Variants in SGCE observed in about 807,000 individuals in gnomAD.
The protein encoded by SGCE is sarcoglycan epsilon.
A neutral mutation model predicts 57.8 loss-of-function variants in SGCE; 26 were observed. The ratio of observed to expected loss-of-function variants is 0.45; its 90% CI spans 0.33 to 0.62. The LOEUF is 0.62. Among genes scored for constraint, SGCE ranks in the 20% least tolerant of loss-of-function variants. The probability of loss-of-function intolerance (pLI) is 0.02; values close to 1 mark genes in which losing one functional copy is unlikely to be tolerated. For missense variants in SGCE, 468 were observed against 548.6 expected (o/e 0.85, Z 1.47); for synonymous variants, 183 against 189.5 (o/e 0.97, Z 0.28).
chr7:94,637,059 C>CA (rs1161470203), intron 1 of SGCE, among the ~76,000 whole-genome samples: 261 of 93,246 alleles, frequency 2.8e-3, no homozygotes, highest in Middle Eastern at 6.9e-3. Flanking sequence ...AACTCCATCT[C>CA]AAAAAAAAAA....
intron 2 of SGCE, chr7:94,628,633 T>C (rs1413869489): frequency 1.8e-5 from 7 of 395,992 alleles, no homozygotes; most frequent in South Asian, 2.6e-5. Context: ...AACAGTGATA[T>C]AGTTCTGCCA....
intron 3 of SGCE, chr7:94,626,306 C>A (rs4407799): frequency 6.6e-6 from 1 of 151,940 alleles, no homozygotes; most frequent in African/African-American, 2.4e-5. Flanking sequence ...TAAATTTTTT[C>A]TCTTAAAAAT....
chr7:94,587,556 C>T, intron 10 of SGCE: 1 of 1,323,386 alleles, frequency 7.6e-7, no homozygotes, highest in East Asian at 3.1e-5. Flanking sequence ...AGTAGGGATT[C>T]ATTTATCTTT....
Position 94,627,930 on chromosome 7 carries a change from A to G in SGCE, c.390+272T>C, listed in dbSNP as rs1368001870. Reference sequence around the variant, plus strand: ...CAAGTCTACAATTATTTTCTCAAATAGAATTCATATTATAATAATCTCTTT... The same window carrying G: ...CAAGTCTACAATTATTTTCTCAAATGGAATTCATATTATAATAATCTCTTT... On this transcript the variant is annotated intron_variant, in intron 3 of 10. Transcript: ENST00000648936. The G allele has an allele frequency of 4.0e-5, 15 of 377,954 alleles. No homozygotes were observed. The East Asian group carries it at 6.8e-4, about 17-fold the overall frequency. The allele number at this position is 377,954 out of a possible 1,614,324, so 23.4% of individuals were successfully genotyped here.
chr7:94,655,922 C>A, intron 1 of SGCE, 68 bp downstream of exon 1: 1 of 1,051,876 alleles, frequency 9.5e-7, no homozygotes, highest in South Asian at 1.3e-5. Flanking sequence ...GCCCGGAACC[C>A]GAGCGGGGGA....
intron 1 of SGCE, among the ~76,000 whole-genome samples, chr7:94,631,163 A>G (rs187976501): frequency 2.0e-5 from 3 of 152,104 alleles, no homozygotes; most frequent in Admixed American, 1.3e-4. Flanking sequence ...TAGTATTCAT[A>G]AGTGATCTTC....
At chr7:94,611,777 C>T (rs73425448) in intron 5 of SGCE, among the ~76,000 whole-genome samples, 3,959 of 152,054 alleles carry the variant, frequency 0.026, 155 homozygotes, top group African/African-American at 0.088. Flanking sequence ...CAACTGTGTT[C>T]GAGAATATGT....
chr7:94,585,519 C>CA lies in SGCE; in HGVS notation c.1298-5dup. 1 of 1,602,248 alleles carries CA rather than the reference C, an allele frequency of 6.2e-7. No homozygotes were observed. The highest frequency in any genetic ancestry group is 8.6e-7 in the Non-Finnish European group (1 of 1,169,402). On this transcript the variant is annotated splice_region_variant and splice_polypyrimidine_tract_variant and intron_variant, in intron 10 of 10. Coordinates refer to ENST00000648936, the MANE Select transcript of SGCE (RefSeq NM_003919.3). ...TTTCTTCAGGGATACCATTTACCTG[C>CA]AATGTGTAAGAATGAATATGGGCAG...
intron 5 of SGCE, among the ~76,000 whole-genome samples, chr7:94,606,141 T>A (rs1255658887): frequency 6.6e-6 from 1 of 152,140 alleles, no homozygotes; most frequent in Non-Finnish European, 1.5e-5. Context: ...AATAATCACT[T>A]TAAACATCAA....
At chr7:94,652,619 G>A (rs1364538760) in intron 1 of SGCE, among the ~76,000 whole-genome samples, 1 of 152,142 alleles carries the variant, frequency 6.6e-6, no homozygotes, top group African/African-American at 2.4e-5. Flanking sequence ...CAATGTCTGT[G>A]AGACAAGTGA....
At chr7:94,588,011 T>TA in intron 10 of SGCE, 3 of 1,396,764 alleles carry the variant, frequency 2.1e-6, no homozygotes, top group Non-Finnish European at 2.8e-6. Flanking sequence ...ACAAAGGCAT[T>TA]AATGGTTCCC....
chr7:94,619,096 T>C, intron 4 of SGCE, 140 bp from the exon 5 acceptor site: 1 of 687,702 alleles, frequency 1.5e-6, no homozygotes, highest in Non-Finnish European at 2.6e-6. Context: ...TTTAAAGGCT[T>C]TCTGTTTAAC....
chr7:94,616,959 G>A (rs1802021919), intron 5 of SGCE: 1 of 152,186 alleles, frequency 6.6e-6, no homozygotes, highest in Non-Finnish European at 1.5e-5. Flanking sequence ...TGAGACAAGA[G>A]TCCAAATAAA....
At chr7:94,644,604 AC>A in intron 1 of SGCE, 1 of 1,265,222 alleles carries the variant, frequency 7.9e-7, no homozygotes, top group Non-Finnish European at 1.0e-6. Flanking sequence ...TATCATACTC[AC>A]CTTAAAAGCA....
intron 10 of SGCE, chr7:94,588,172 T>TAATC: frequency 9.1e-7 from 1 of 1,095,918 alleles, no homozygotes; most frequent in Non-Finnish European, 1.1e-6. Context: ...GGAAATAGAA[T>TAATC]AATCCAAGGA....
At chr7:94,623,250 ATATTT>A in intron 4 of SGCE, 70 bp downstream of exon 4, 1 of 901,530 alleles carries the variant, frequency 1.1e-6, no homozygotes, top group Admixed American at 2.3e-5. Flanking sequence ...ATTCTTGACT[ATATTT>A]TATGTAGTTA....
Position 94,618,860 on chromosome 7 carries a change from A to G in SGCE, c.560T>C (p.Val187Ala). ...SEVLGDFLGA[V>A]KNVWQPERLN... ...GCGCTCTGGCTGCCACACATTTTTC[A>G]CTGCGCCAAGAAAGTCTCCAAGAAC... Residue 187 changes from valine (V) to alanine (A), a missense_variant, in exon 5 of 11, where the codon GTG becomes GCG. By Grantham distance (64) the Val-to-Ala change is moderately conservative. Coordinates refer to ENST00000648936, the MANE Select transcript of SGCE (RefSeq NM_003919.3). 6.2e-7 allele frequency: 1 copy of G among 1,614,046 alleles called. No individual in the cohort carries two copies. Among genetic ancestry groups the G allele is most frequent in the South Asian group, 1.1e-5 (1 of 91,076 alleles).
chr7:94,586,999 A>T, intron 10 of SGCE: 1 of 983,948 alleles, frequency 1.0e-6, no homozygotes, highest in Non-Finnish European at 1.2e-6. Context: ...AGAAAAATGT[A>T]AGAAAACAAG....
At chr7:94,635,057 A>G (rs938010257) in intron 1 of SGCE, among the ~76,000 whole-genome samples, 4 of 152,194 alleles carry the variant, frequency 2.6e-5, no homozygotes, top group Non-Finnish European at 4.4e-5. Context: ...ACTATAACAC[A>G]ATATAATTAA....
Sources: allele counts gnomAD v4.1 joint callset (sites outside exome capture counted in the v4.1 genomes callset), GRCh38; gene constraint gnomAD v4.1.1; transcripts MANE v1.5; gene names NCBI Gene and HGNC (gene_info 2026-07-23, HGNC 2026-07-21).